Variants in DOCK9 observed in about 807,000 individuals in gnomAD.
DOCK9 encodes dedicator of cytokinesis protein 9.
Under a neutral mutation model 263.3 loss-of-function variants are expected in DOCK9, and 89 were observed. The observed-to-expected ratio is 0.34, with a 90% CI of 0.28 to 0.40. DOCK9 has a LOEUF of 0.40. Ranked by LOEUF, DOCK9 falls within the 10% of genes least tolerant of loss-of-function variation. The pLI is 1.00. For synonymous variants in DOCK9, 976 were observed against 973.1 expected (o/e 1.00, Z -0.06); for missense variants, 2,140 against 2,603.4 (o/e 0.82, Z 3.87).
intron 1 of DOCK9, among the ~76,000 whole-genome samples, chr13:99,051,096 G>A (rs1371804143): frequency 3.3e-5 from 5 of 152,230 alleles, no homozygotes; most frequent in South Asian, 2.1e-4. Flanking sequence ...AGGGCTGTGC[G>A]AGCCACTGTG....
intron 1 of DOCK9, among the ~76,000 whole-genome samples, chr13:99,041,851 C>A (rs1888491944): frequency 6.6e-6 from 1 of 152,134 alleles, no homozygotes; most frequent in African/African-American, 2.4e-5. Context: ...ACAGATGCAG[C>A]GACTGGGGTG....
At chr13:99,072,207 G>A (rs1283140919) in intron 1 of DOCK9, among the ~76,000 whole-genome samples, 2 of 152,128 alleles carry the variant, frequency 1.3e-5, no homozygotes, top group Non-Finnish European at 2.9e-5. Context: ...ATCCTTCAAT[G>A]ATACACTCCT....
intron 33 of DOCK9, 22 bp from the exon 34 acceptor site, chr13:98,856,053 A>T: frequency 1.2e-6 from 2 of 1,612,968 alleles, no homozygotes; most frequent in Non-Finnish European, 1.7e-6. Flanking sequence ...TCAAGCCAAC[A>T]ATAAAGTTTT....
exon 1 of DOCK9, chr13:99,086,404 C>T: frequency 9.8e-7 from 1 of 1,016,674 alleles, no homozygotes; most frequent in Non-Finnish European, 1.2e-6. Context: ...CCGGCCCGGC[C>T]GCGCGGCCGC....
At chr13:98,840,622 G>GA (rs2093176229) in intron 38 of DOCK9, among the ~76,000 whole-genome samples, 1 of 152,180 alleles carries the variant, frequency 6.6e-6, no homozygotes, top group South Asian at 2.1e-4. Flanking sequence ...ACACATCGGC[G>GA]AACCTCCTCC....
chr13:98,943,542 T>G (rs1349466918), intron 2 of DOCK9, among the ~76,000 whole-genome samples: 3 of 147,052 alleles, frequency 2.0e-5, no homozygotes, highest in Non-Finnish European at 3.0e-5. Context: ...TGTTCGTTTT[T>G]GCATGCAAAT....
chr13:98,999,893 G>A (rs1881934038), intron 1 of DOCK9, among the ~76,000 whole-genome samples: 1 of 152,126 alleles, frequency 6.6e-6, no homozygotes, highest in African/African-American at 2.4e-5. Flanking sequence ...AAGTGAAAAC[G>A]GAAATTCAGT....
chr13:99,077,778 C>A (rs1040422922), intron 1 of DOCK9, among the ~76,000 whole-genome samples: 5 of 152,182 alleles, frequency 3.3e-5, no homozygotes, highest in African/African-American at 1.2e-4. Context: ...CACAGACCTG[C>A]CACATTCAAG....
Position 98,864,559 on chromosome 13 carries a change from C to G in DOCK9, c.3287-1011G>C, listed in dbSNP as rs180699535. The stretch of plus-strand genomic sequence containing the variant: ...GAGTATTCATTTTCTAGATTATGTT[C>G]ATTGTTTATGATTATTTCACCTAGT... On this transcript the variant is annotated intron_variant, in intron 30 of 52. Transcript: ENST00000682017. 1.6e-3 allele frequency among the ~76,000 whole-genome samples: 237 copies of G among 152,310 alleles called. 5 individuals carry two copies. The highest frequency in any genetic ancestry group is 3.4e-3 in the Middle Eastern group (1 of 294).
intron 1 of DOCK9, among the ~76,000 whole-genome samples, chr13:99,001,001 G>A (rs1435456888): frequency 1.3e-5 from 2 of 152,198 alleles, no homozygotes; most frequent in East Asian, 3.9e-4. Flanking sequence ...GGACAAAAAA[G>A]GACAAGAAGG....
intron 1 of DOCK9, among the ~76,000 whole-genome samples, chr13:98,992,384 G>A (rs1595850977): frequency 6.6e-6 from 1 of 152,074 alleles, no homozygotes; most frequent in Non-Finnish European, 1.5e-5. Context: ...GGCCCTCCTC[G>A]GAGCTACCAT....
At chr13:98,974,595 C>T (rs1412916683) in intron 1 of DOCK9, among the ~76,000 whole-genome samples, 2 of 151,748 alleles carry the variant, frequency 1.3e-5, no homozygotes, top group Non-Finnish European at 2.9e-5. Flanking sequence ...ACTAAAAATA[C>T]AAAAATTAGT....
chr13:98,806,925 T>C (rs2090788635), intron 48 of DOCK9, among the ~76,000 whole-genome samples: 1 of 151,498 alleles, frequency 6.6e-6, no homozygotes. Context: ...AAAAAAAAAG[T>C]TATTATTTGT....
At chr13:98,942,053 C>A (rs184961649) in intron 2 of DOCK9, among the ~76,000 whole-genome samples, 161 of 152,250 alleles carry the variant, frequency 1.1e-3, no homozygotes, top group Non-Finnish European at 1.5e-3. Context: ...TGAGTTAAAA[C>A]CCCTGTGGAC....
intron 1 of DOCK9, among the ~76,000 whole-genome samples, chr13:98,995,779 C>T (rs941586031): frequency 6.6e-6 from 1 of 152,086 alleles, no homozygotes; most frequent in South Asian, 2.1e-4. Context: ...TGAGCCACTG[C>T]GCCCGGCCGG....
chr13:98,893,653 G>C (rs1329141414), intron 15 of DOCK9, among the ~76,000 whole-genome samples: 7 of 152,188 alleles, frequency 4.6e-5, no homozygotes, highest in African/African-American at 1.4e-4. Context: ...AACATTTTGA[G>C]ACAATCATGG....
intron 4 of DOCK9, 102 bp from the exon 5 acceptor site, chr13:98,923,473 A>G: frequency 1.1e-6 from 1 of 910,018 alleles, no homozygotes; most frequent in South Asian, 1.4e-5. Context: ...CTAAATCCAA[A>G]GATGGCCCAG....
intron 45 of DOCK9, among the ~76,000 whole-genome samples, chr13:98,817,152 G>A (rs1000754482): frequency 4.6e-5 from 7 of 152,144 alleles, no homozygotes; most frequent in Admixed American, 2.6e-4. Flanking sequence ...TCTAGATTTA[G>A]TCAGTTATTA....
chr13:98,876,498 ATAAAT>A (rs1286019796), intron 27 of DOCK9, among the ~76,000 whole-genome samples: 9 of 152,242 alleles, frequency 5.9e-5, no homozygotes, highest in Non-Finnish European at 1.3e-4. Context: ...TAAGGTCAGA[ATAAAT>A]TAATAATTTT....
Sources: gnomAD v4.1 joint callset for allele counts (sites outside exome capture counted in the v4.1 genomes callset) on GRCh38, gnomAD v4.1.1 for gene constraint, MANE v1.5 for transcripts, NCBI Gene and HGNC (gene_info 2026-07-23, HGNC 2026-07-21) for gene names.